MYO1D: variants seen among roughly 807,000 people sequenced by gnomAD.
MYO1D encodes unconventional myosin-Id.
Under a neutral mutation model 122.0 loss-of-function variants are expected in MYO1D, and 83 were observed. The observed-to-expected ratio is 0.68, with a 90% CI of 0.57 to 0.82. The LOEUF is 0.82. Among genes scored for constraint, MYO1D ranks in the 40% least tolerant of loss-of-function variants. The probability of loss-of-function intolerance (pLI) is 0.00; values close to 1 mark genes in which losing one functional copy is unlikely to be tolerated. For synonymous variants in MYO1D, 464 were observed against 446.9 expected (o/e 1.04, Z -0.48); for missense variants, 1,157 against 1,269.5 (o/e 0.91, Z 1.35).
At chr17:32,718,423 C>T (rs926173682) in intron 15 of MYO1D, among the ~76,000 whole-genome samples, 6 of 152,152 alleles carry the variant, frequency 3.9e-5, no homozygotes, top group Admixed American at 3.3e-4. Flanking sequence ...TCTGGCTGGG[C>T]GTGGTGGCTC....
intron 20 of MYO1D, among the ~76,000 whole-genome samples, chr17:32,631,660 AG>A (rs1481522548): frequency 6.6e-6 from 1 of 152,028 alleles, no homozygotes; most frequent in Non-Finnish European, 1.5e-5. Flanking sequence ...AAAAAAAAAA[AG>A]GTAGTCTGAA....
At chr17:32,803,358 G>A (rs1052051951) in intron 1 of MYO1D, among the ~76,000 whole-genome samples, 1 of 152,096 alleles carries the variant, frequency 6.6e-6, no homozygotes, top group African/African-American at 2.4e-5. Context: ...GTGTTAGCCA[G>A]GATGGTCTCG....
intron 1 of MYO1D, among the ~76,000 whole-genome samples, chr17:32,838,276 T>A (rs1468735042): frequency 6.6e-6 from 1 of 152,190 alleles, no homozygotes; most frequent in African/African-American, 2.4e-5. Context: ...GCTCTGGCAA[T>A]ACCATTTATC....
At chr17:32,683,082 C>T (rs1364460909) in intron 16 of MYO1D, among the ~76,000 whole-genome samples, 1 of 120,572 alleles carries the variant, frequency 8.3e-6, no homozygotes, top group African/African-American at 3.3e-5. Flanking sequence ...GTTCTCGAGC[C>T]TTGGTTTTCA....
At chr17:32,676,351 ATTTTTT>A (rs376940405) in intron 16 of MYO1D, among the ~76,000 whole-genome samples, 1 of 132,438 alleles carries the variant, frequency 7.6e-6, no homozygotes, top group African/African-American at 2.8e-5. Context: ...TTGTTTCTCT[ATTTTTT>A]TTTTTTTTTG....
At chr17:32,587,422 G>T (rs967525991) in intron 21 of MYO1D, among the ~76,000 whole-genome samples, 3 of 150,886 alleles carry the variant, frequency 2.0e-5, no homozygotes, top group Non-Finnish European at 4.4e-5. Context: ...TGAGGCAGAA[G>T]AATTGCTTGA....
chr17:32,790,524 A>C (rs1003877254), intron 1 of MYO1D, among the ~76,000 whole-genome samples: 2 of 152,216 alleles, frequency 1.3e-5, no homozygotes, highest in Non-Finnish European at 2.9e-5. Flanking sequence ...CTACCTGCAA[A>C]GGAATAGAGG....
At chr17:32,766,876 ACAGATG>A (rs2090064531) in intron 7 of MYO1D, among the ~76,000 whole-genome samples, 1 of 152,210 alleles carries the variant, frequency 6.6e-6, no homozygotes, top group Non-Finnish European at 1.5e-5. Context: ...ACTGATTCAA[ACAGATG>A]AGACAATTTA....
At chr17:32,788,860 A>G (rs1025559680) in intron 1 of MYO1D, among the ~76,000 whole-genome samples, 2 of 152,200 alleles carry the variant, frequency 1.3e-5, no homozygotes, top group African/African-American at 4.8e-5. Flanking sequence ...CATTTTCACA[A>G]CACTGATTCT....
rs147429447 is a variant in MYO1D at position 32,647,709 on chromosome 17, T to A, written c.2595+6134A>T. Among the ~76,000 whole-genome samples the A allele has an allele frequency of 5.8e-3, 842 of 143,992 alleles. 4 individuals carry two copies. The highest frequency in any genetic ancestry group is 0.021 in the African/African-American group (804 of 38,460). The allele number at this position is 143,992 out of a possible 152,430, so 94.5% of individuals were successfully genotyped here. On this transcript the variant is annotated intron_variant, in intron 19 of 21. Coordinates refer to ENST00000318217, the MANE Select transcript of MYO1D (RefSeq NM_015194.3). ...TACATTTTTTTTTTTTTTTTTTGCA[T>A]GGGTGTGTGAATCTGGTTAGCAAAA...
chr17:32,641,108 C>T lies in MYO1D; in HGVS notation c.2596-2273G>A, dbSNP rs2088193766. On this transcript the variant is annotated intron_variant, in intron 19 of 21. Transcript: ENST00000318217. ...CCCTCCCCCCACCCCACAACAGGCC[C>T]CGGTGTGTGATGTTCCCCTTCCTGT... Among the ~76,000 whole-genome samples, 3 of 130,898 alleles carry T rather than the reference C, an allele frequency of 2.3e-5. No individual in the cohort carries two copies. The South Asian group carries it at 8.7e-4, about 38-fold the overall frequency. The allele number at this position is 130,898 out of a possible 152,430, so 85.9% of individuals were successfully genotyped here.
chr17:32,738,798 T>C (rs2089739741), intron 13 of MYO1D, among the ~76,000 whole-genome samples: 1 of 152,078 alleles, frequency 6.6e-6, no homozygotes, highest in Non-Finnish European at 1.5e-5. Flanking sequence ...AGTGGCAATA[T>C]CTTTGAATTA....
rs761386488 is a variant in MYO1D, at chr17:32,819,206, GT to G, written c.96-38423del. On this transcript the variant is annotated intron_variant, in intron 1 of 21. Transcript: ENST00000318217. Reference sequence around the variant, plus strand: ...TTCATCATGTAGAAGTTGGTTTCAAGTTTTTTTTTTTTTTTCGGTCTGGATA... The same window carrying G: ...TTCATCATGTAGAAGTTGGTTTCAAGTTTTTTTTTTTTTTCGGTCTGGATA... Among the ~76,000 whole-genome samples, 274 of 140,640 alleles carry G rather than the reference GT, an allele frequency of 1.9e-3. 1 individual carries two copies. Among genetic ancestry groups the G allele is most frequent in the African/African-American group, 4.6e-3 (178 of 38,632 alleles). 92.3% of individuals were successfully genotyped at this position (140,640 alleles called of 152,430 possible).
chr17:32,555,665 G>A (rs866092418), intron 21 of MYO1D, among the ~76,000 whole-genome samples: 5 of 152,070 alleles, frequency 3.3e-5, no homozygotes, highest in Non-Finnish European at 4.4e-5. Context: ...CGCTCGTCCC[G>A]GCTAGAATCC....
Position 32,638,735 on chromosome 17 carries a change from A to G in MYO1D, c.2696T>C (p.Ile899Thr). The G allele has an allele frequency of 6.2e-7, 1 of 1,611,324 alleles. No individual in the cohort carries two copies. Among genetic ancestry groups the G allele is most frequent in the Non-Finnish European group, 8.5e-7 (1 of 1,177,578 alleles). The change falls in exon 20 of 22, where the codon ATC becomes ACC. Residue 899 changes from isoleucine (I) to threonine (T), a missense_variant. By Grantham distance (89) the Ile-to-Thr change is moderately conservative (BLOSUM62 -1). Transcript: ENST00000318217. The part of the protein sequence containing the change: ...PTKQYKVMKT[I>T]PLYNLTGLSV... ...CAGAGGACTTACATTGTATAGAGGG[A>G]TAGTCTTCATCACCTTGTACTGTTT...
chr17:32,781,790 C>G (rs941536450), intron 1 of MYO1D, among the ~76,000 whole-genome samples: 1 of 149,910 alleles, frequency 6.7e-6, no homozygotes, highest in Non-Finnish European at 1.5e-5. Flanking sequence ...TGCAATTGTG[C>G]AACTTTATGT....
At chr17:32,707,483 T>G (rs1051887955) in intron 16 of MYO1D, among the ~76,000 whole-genome samples, 3 of 152,124 alleles carry the variant, frequency 2.0e-5, no homozygotes, top group African/African-American at 7.2e-5. Context: ...TCCTGGGAAT[T>G]CAGCGCATAG....
intron 11 of MYO1D, among the ~76,000 whole-genome samples, chr17:32,752,958 T>C (rs1438772137): frequency 1.3e-5 from 2 of 152,114 alleles, no homozygotes; most frequent in African/African-American, 4.8e-5. Context: ...GAAAAGATAT[T>C]TGTACTCGTA....
chr17:32,613,484 C>T (rs1490479734), intron 20 of MYO1D, among the ~76,000 whole-genome samples: 1 of 151,962 alleles, frequency 6.6e-6, no homozygotes, highest in Non-Finnish European at 1.5e-5. Context: ...GTAAGAAATA[C>T]CTCAATATAG....
Sources: gnomAD v4.1 joint callset for allele counts (sites outside exome capture counted in the v4.1 genomes callset) on GRCh38, gnomAD v4.1.1 for gene constraint, MANE v1.5 for transcripts, NCBI Gene and HGNC (gene_info 2026-07-23, HGNC 2026-07-21) for gene names.